PIEZO2: variants seen among roughly 807,000 people sequenced by gnomAD.
PIEZO2 encodes the protein piezo-type mechanosensitive ion channel component 2.
In PIEZO2, 172 loss-of-function variants were observed where a neutral mutation model predicts 337.3. The observed-to-expected ratio is 0.51, with a 90% CI of 0.45 to 0.58. The LOEUF is 0.58. Among genes scored for constraint, PIEZO2 ranks in the 20% least tolerant of loss-of-function variants. PIEZO2 has a pLI of 0.00. For synonymous variants in PIEZO2, 1,251 were observed against 1,228.5 expected, an observed-to-expected ratio of 1.02 and a Z score of -0.38; for missense variants, 3,028 against 3,391.3, an observed-to-expected ratio of 0.89 and a Z score of 2.66.
intron 42 of PIEZO2, among the ~76,000 whole-genome samples, chr18:10,703,830 G>A (rs1198461748): frequency 6.6e-6 from 1 of 152,216 alleles, no homozygotes; most frequent in Admixed American, 6.5e-5. Context: ...CCACCCTTCA[G>A]ATGCTAAGCG....
chr18:10,905,234 G>T (rs1163323720), intron 4 of PIEZO2, among the ~76,000 whole-genome samples: 1 of 152,138 alleles, frequency 6.6e-6, no homozygotes, highest in African/African-American at 2.4e-5. Context: ...GTTAATCATT[G>T]AATTAAGACA....
chr18:10,747,541 C>T (rs1019880108), intron 30 of PIEZO2, among the ~76,000 whole-genome samples: 11 of 152,108 alleles, frequency 7.2e-5, no homozygotes, highest in South Asian at 2.1e-4. Context: ...CAATGAATTC[C>T]GGAGCAGTGC....
intron 7 of PIEZO2, among the ~76,000 whole-genome samples, chr18:10,811,653 G>A (rs2040194187): frequency 6.6e-6 from 1 of 152,184 alleles, no homozygotes; most frequent in African/African-American, 2.4e-5. Flanking sequence ...CACAGAATAA[G>A]AGGGTAACAA....
chr18:10,996,388 A>G (rs1321387241), intron 2 of PIEZO2, among the ~76,000 whole-genome samples: 1 of 152,246 alleles, frequency 6.6e-6, no homozygotes, highest in Non-Finnish European at 1.5e-5. Context: ...GATCATTTCA[A>G]GTTGAATAAT....
At chr18:10,782,217 A>G (rs1235199707) in intron 17 of PIEZO2, among the ~76,000 whole-genome samples, 5 of 132,968 alleles carry the variant, frequency 3.8e-5, no homozygotes, top group Non-Finnish European at 6.2e-5. Context: ...ATAATTATAT[A>G]TATCATAATA....
intron 7 of PIEZO2, among the ~76,000 whole-genome samples, chr18:10,848,767 T>A (rs1044279743): frequency 1.4e-4 from 22 of 152,230 alleles, no homozygotes; most frequent in African/African-American, 5.3e-4. Context: ...CAAAGTTGCA[T>A]GCTCATTTCA....
chr18:11,141,663 C>T (rs1002688477), intron 1 of PIEZO2, among the ~76,000 whole-genome samples: 4 of 152,314 alleles, frequency 2.6e-5, no homozygotes, highest in East Asian at 1.9e-4. Flanking sequence ...AAGGAGCAGA[C>T]GAACGGCTTG....
intron 47 of PIEZO2, among the ~76,000 whole-genome samples, chr18:10,693,356 T>TG (rs2034937855): frequency 1.9e-4 from 17 of 89,974 alleles, no homozygotes; most frequent in African/African-American, 6.0e-4. Context: ...AATCTGGATT[T>TG]TGTGTGTGTG....
chr18:10,691,157 G>A lies in PIEZO2; in HGVS notation c.7349+68C>T, dbSNP rs2034804924. 3 of 1,518,172 alleles carry A rather than the reference G, an allele frequency of 2.0e-6. No homozygotes were observed. The South Asian group carries it at 3.7e-5, about 19-fold the overall frequency. The allele number at this position is 1,518,172 out of a possible 1,614,324, so 94.0% of individuals were successfully genotyped here. ...TCCTCTCCCCCTTACTTCCCAGTTG[G>A]GAATCAAAATGCCTTTCCACCGCTA... On this transcript the variant is annotated intron_variant, in intron 48 of 55. Coordinates refer to ENST00000674853, the MANE Select transcript of PIEZO2 (RefSeq NM_001378183.1).
intron 1 of PIEZO2, among the ~76,000 whole-genome samples, chr18:11,075,757 T>C (rs1057477198): frequency 6.6e-6 from 1 of 151,726 alleles, no homozygotes; most frequent in African/African-American, 2.4e-5. Flanking sequence ...CACATATGTG[T>C]GACAGGAAAG....
Position 10,714,703 on chromosome 18 carries a change from T to C in PIEZO2, c.5423+61A>G, listed in dbSNP as rs181714023. The C allele has an allele frequency of 9.3e-6, 14 of 1,501,206 alleles. No homozygotes were observed. In the East Asian group the frequency reaches 9.9e-5, roughly 11 times the overall value. 93.0% of individuals were successfully genotyped at this position (1,501,206 alleles called of 1,614,324 possible). A position where few individuals can be genotyped will look rare whatever the true frequency, so the allele number is the denominator to read the frequency against. On this transcript the variant is annotated intron_variant, in intron 39 of 55. Transcript: ENST00000674853. ...ACCTCACACATTCATTTCTTATATT[T>C]GATGACATCCACCTCATTTACCTTT...
At position 10,966,000 on chromosome 18, in the gene PIEZO2, G is replaced by A. The variant is rs1440185680; in HGVS notation, c.286+13535C>T. ...ATTCCCGTAAATGTTTGCTCTGAAC[G>A]GATAAAGAAATGGATGCAATAACAA... is the stretch of plus-strand genomic sequence containing the variant. On this transcript the variant is annotated intron_variant, in intron 3 of 55. Coordinates refer to ENST00000674853, the MANE Select transcript of PIEZO2 (RefSeq NM_001378183.1). Among the ~76,000 whole-genome samples, 6 of 152,234 alleles carry A rather than the reference G, an allele frequency of 3.9e-5. No homozygotes were observed. In the South Asian group the frequency reaches 6.2e-4, roughly 16 times the overall value.
Position 11,037,937 on chromosome 18 carries a change from A to T in PIEZO2, c.160+28190T>A, listed in dbSNP as rs910052479. On this transcript the variant is annotated intron_variant, in intron 2 of 55. Transcript: ENST00000674853. ...TTTTCCTTTCCAAGTTTGTCTCCAT[A>T]TCAAAAACACTTCTGGACCAAATAA... 2.0e-5 allele frequency among the ~76,000 whole-genome samples: 3 copies of T among 152,338 alleles called. No homozygotes were observed. The South Asian group carries it at 6.2e-4, about 32-fold the overall frequency.
At chr18:10,811,649 A>G (rs922806969) in intron 7 of PIEZO2, among the ~76,000 whole-genome samples, 5 of 152,212 alleles carry the variant, frequency 3.3e-5, no homozygotes, top group African/African-American at 1.2e-4. Context: ...AGAACACAGA[A>G]TAAGAGGGTA....
chr18:10,710,771 G>GC (rs2035789110), intron 39 of PIEZO2, among the ~76,000 whole-genome samples: 1 of 152,188 alleles, frequency 6.6e-6, no homozygotes, highest in African/African-American at 2.4e-5. Context: ...GACTTCCACT[G>GC]CAGAACCTCT....
chr18:11,140,569 T>G (rs11080493), intron 1 of PIEZO2, among the ~76,000 whole-genome samples: 1 of 152,122 alleles, frequency 6.6e-6, no homozygotes, highest in South Asian at 2.1e-4. Context: ...CATCTTTAGA[T>G]GCTTAGGGAC....
chr18:10,844,914 G>C (rs1242734665), intron 7 of PIEZO2, among the ~76,000 whole-genome samples: 4 of 151,998 alleles, frequency 2.6e-5, no homozygotes, highest in Admixed American at 6.5e-5. Context: ...TTCTAGTCAG[G>C]TCACAAGCAC....
At chr18:10,927,108 T>G (rs1157785166) in intron 3 of PIEZO2, among the ~76,000 whole-genome samples, 2 of 152,206 alleles carry the variant, frequency 1.3e-5, no homozygotes, top group African/African-American at 4.8e-5. Flanking sequence ...GCTGCACACT[T>G]CCTGGATTTC....
chr18:10,801,713 A>G (rs1359082439), intron 9 of PIEZO2, among the ~76,000 whole-genome samples: 3 of 152,298 alleles, frequency 2.0e-5, no homozygotes, highest in Non-Finnish European at 4.4e-5. Flanking sequence ...TACAAGAATA[A>G]GCGCTTAGTT....
Sources: gnomAD v4.1 joint callset for allele counts (sites outside exome capture counted in the v4.1 genomes callset) on GRCh38, gnomAD v4.1.1 for gene constraint, MANE v1.5 for transcripts, NCBI Gene and HGNC (gene_info 2026-07-23, HGNC 2026-07-21) for gene names.